MED12L: variants seen among roughly 807,000 people sequenced by gnomAD.
MED12L encodes mediator complex subunit 12L.
In MED12L, 60 loss-of-function variants were observed where a neutral mutation model predicts 281.3. The observed-to-expected ratio is 0.21, with a 90% CI of 0.17 to 0.26. The LOEUF is 0.26. Among genes scored for constraint, MED12L ranks in the 10% least tolerant of loss-of-function variants. MED12L has a pLI of 1.00. For synonymous variants in MED12L, 974 were observed against 987.2 expected (o/e 0.99, Z 0.25); for missense variants, 2,146 against 2,680.9 (o/e 0.80, Z 4.41).
chr3:151,377,872 G>A, intron 30 of MED12L, 140 bp from the exon 31 acceptor site: 1 of 758,754 alleles, frequency 1.3e-6, no homozygotes, highest in Non-Finnish European at 1.9e-6. Context: ...AAAAAGGAAA[G>A]ATAATACAGA....
chr3:151,092,799 C>T (rs1010385658), intron 2 of MED12L, among the ~76,000 whole-genome samples: 1 of 152,216 alleles, frequency 6.6e-6, no homozygotes, highest in East Asian at 1.9e-4. Context: ...TGGCTGGCCC[C>T]AGGCGCTGCT....
At chr3:151,178,136 C>T (rs1214241541) in intron 11 of MED12L, among the ~76,000 whole-genome samples, 2 of 89,834 alleles carry the variant, frequency 2.2e-5, no homozygotes, top group Non-Finnish European at 4.0e-5. Flanking sequence ...CCAGCCTGGG[C>T]AACAGAATGA....
chr3:151,432,879 T>G lies in MED12L; in HGVS notation c.*75T>G. On this transcript the variant is annotated 3_prime_UTR_variant, in exon 45 of 45. Coordinates refer to ENST00000687756, the MANE Select transcript of MED12L (RefSeq NM_001393769.1). ...AAAATCAAATTTAATGCATTAGTCA[T>G]CTTAAAAATGTCCCTTTTTTTCATT... The G allele has an allele frequency of 1.9e-6, 2 of 1,072,136 alleles. No homozygotes were observed. The highest frequency in any genetic ancestry group is 3.2e-5 in the South Asian group (2 of 63,298). The allele number at this position is 1,072,136 out of a possible 1,614,324, so 66.4% of individuals were successfully genotyped here.
At chr3:151,137,053 T>TC (rs1276666474) in intron 5 of MED12L, among the ~76,000 whole-genome samples, 1 of 150,982 alleles carries the variant, frequency 6.6e-6, no homozygotes, top group Non-Finnish European at 1.5e-5. Flanking sequence ...TCCCAGCTAC[T>TC]CAGGAGGCTG....
chr3:151,201,221 ACACTCT>A (rs1025206429), intron 16 of MED12L, among the ~76,000 whole-genome samples: 1 of 148,994 alleles, frequency 6.7e-6, no homozygotes, highest in African/African-American at 2.6e-5. Flanking sequence ...CCACGTGCAC[ACACTCT>A]CTCTCTCTCT....
intron 5 of MED12L, among the ~76,000 whole-genome samples, chr3:151,144,559 G>A (rs530380776): frequency 5.3e-5 from 8 of 152,244 alleles, no homozygotes; most frequent in African/African-American, 1.2e-4. Flanking sequence ...ACTTGGCCAC[G>A]CTGGTCTCTT....
intron 16 of MED12L, among the ~76,000 whole-genome samples, chr3:151,231,782 A>G (rs1489025824): frequency 1.3e-5 from 2 of 152,230 alleles, no homozygotes; most frequent in Non-Finnish European, 2.9e-5. Flanking sequence ...CTGAGTAATA[A>G]TCTTCCCAGA....
chr3:151,106,967 A>G (rs1722152518), intron 2 of MED12L, among the ~76,000 whole-genome samples: 1 of 151,974 alleles, frequency 6.6e-6, no homozygotes, highest in Non-Finnish European at 1.5e-5. Flanking sequence ...TTTTTTACTC[A>G]TTCTGACAAT....
At chr3:151,272,186 C>T (rs1290708108) in intron 16 of MED12L, among the ~76,000 whole-genome samples, 1 of 152,168 alleles carries the variant, frequency 6.6e-6, no homozygotes, top group Non-Finnish European at 1.5e-5. Flanking sequence ...AAAAGGCTTT[C>T]TGGACAATAG....
intron 31 of MED12L, among the ~76,000 whole-genome samples, chr3:151,379,184 A>G (rs1012552486): frequency 6.6e-6 from 1 of 152,246 alleles, no homozygotes; most frequent in Non-Finnish European, 1.5e-5. Flanking sequence ...ACAAGGAAGC[A>G]TAATTCTAAT....
At chr3:151,308,870 T>C (rs1021889663) in intron 16 of MED12L, among the ~76,000 whole-genome samples, 9 of 152,310 alleles carry the variant, frequency 5.9e-5, no homozygotes, top group African/African-American at 2.2e-4. Context: ...CTTAATGCTG[T>C]TTAAGTTAAT....
chr3:151,164,088 C>A (rs762069485), intron 9 of MED12L, 46 bp downstream of exon 9: 1 of 1,598,718 alleles, frequency 6.3e-7, no homozygotes, highest in East Asian at 2.2e-5. Context: ...TCATTCTTGA[C>A]AGGCATCAGG....
chr3:151,195,954 T>TTTGAAACTGG (rs1415077453), intron 16 of MED12L, among the ~76,000 whole-genome samples: 9 of 152,324 alleles, frequency 5.9e-5, no homozygotes, highest in Admixed American at 5.9e-4. Flanking sequence ...GTTGAAAGTG[T>TTTGAAACTGG]TTGAAACTGG....
At chr3:151,205,416 C>G (rs768593904) in intron 16 of MED12L, among the ~76,000 whole-genome samples, 12 of 152,212 alleles carry the variant, frequency 7.9e-5, no homozygotes, top group Non-Finnish European at 1.3e-4. Flanking sequence ...CTGTGGTCAA[C>G]TCTCCTATCC....
At position 151,165,788 on chromosome 3, in the gene MED12L, G is replaced by A. The variant is rs1576869412; in HGVS notation, c.1358-58G>A. On this transcript the variant is annotated intron_variant, in intron 10 of 44. Coordinates refer to ENST00000687756, the MANE Select transcript of MED12L (RefSeq NM_001393769.1). The stretch of plus-strand genomic sequence containing the variant: ...TCACATAGAATGGTGATTTTGTACT[G>A]TGTTATAACTGTGTTATTTTTGGCC... 72 of 1,547,608 alleles carry A rather than the reference G, an allele frequency of 4.7e-5. 1 individual carries two copies. The South Asian group carries it at 7.8e-4, about 17-fold the overall frequency.
At chr3:151,148,637 G>A (rs1396628524) in intron 5 of MED12L, among the ~76,000 whole-genome samples, 2 of 152,176 alleles carry the variant, frequency 1.3e-5, no homozygotes, top group African/African-American at 4.8e-5. Context: ...TTAAAGTGCT[G>A]TGTCAGGTGG....
rs140793301 is a variant in MED12L, at chr3:151,388,161, T to C, written c.5440T>C (p.Ser1814Pro). ...KGRKRKTKSS[S>P]RVDEYPQSNI... ...AAGGAAGCGCAAGACGAAATCTAGC[T>C]CAAGAGTTGATGTAAGTGGGGAAAG... is the stretch of plus-strand genomic sequence containing the variant. Residue 1814 changes from serine (S) to proline (P), a missense_variant, in exon 37 of 45, where the codon TCA becomes CCA. Around this residue, in one of 9 missense-constraint regions of MED12L, gnomAD observed 496 missense variants for 512.0 expected, o/e 0.97. Coordinates refer to ENST00000687756, the MANE Select transcript of MED12L (RefSeq NM_001393769.1). The C allele has an allele frequency of 1.3e-3, 2,057 of 1,598,850 alleles. 2 individuals carry two copies. Among genetic ancestry groups the C allele is most frequent in the Non-Finnish European group, 1.5e-3 (1,748 of 1,177,006 alleles).
intron 5 of MED12L, among the ~76,000 whole-genome samples, chr3:151,140,208 T>A (rs1471967410): frequency 6.6e-6 from 1 of 152,236 alleles, no homozygotes; most frequent in African/African-American, 2.4e-5. Context: ...TATGTAGCTT[T>A]TTAGTTAATT....
chr3:151,248,574 C>G (rs957575997), intron 16 of MED12L, among the ~76,000 whole-genome samples: 1 of 152,026 alleles, frequency 6.6e-6, no homozygotes, highest in Admixed American at 6.6e-5. Flanking sequence ...CATACCCATC[C>G]GACTGTCTGG....
Sources: gnomAD v4.1 joint callset for allele counts (sites outside exome capture counted in the v4.1 genomes callset) on GRCh38, gnomAD v4.1.1 for gene constraint, gnomAD v4.1.1 regional missense constraint, MANE v1.5 for transcripts, NCBI Gene and HGNC (gene_info 2026-07-23, HGNC 2026-07-21) for gene names.